SREBF2: variants seen among roughly 807,000 people sequenced by gnomAD.
SREBF2 encodes the protein sterol regulatory element-binding protein 2.
SREBF2 carries 55 observed loss-of-function variants against 113.1 expected under a neutral mutation model. The observed-to-expected ratio is 0.49, with a 90% CI of 0.39 to 0.61. The LOEUF is 0.61. SREBF2 is among the 20% of genes least tolerant of loss of function. The pLI is 0.00. For synonymous variants in SREBF2, 593 were observed against 605.7 expected, an observed-to-expected ratio of 0.98 and a Z score of 0.31; for missense variants, 1,349 against 1,487.4, an observed-to-expected ratio of 0.91 and a Z score of 1.53.
intron 11 of SREBF2, among the ~76,000 whole-genome samples, chr22:41,886,724 A>G (rs1055417179): frequency 3.9e-5 from 6 of 152,150 alleles, no homozygotes; most frequent in African/African-American, 1.4e-4. Context: ...AACTTATCAA[A>G]GTACATGCTT....
intron 15 of SREBF2, chr22:41,899,157 G>A (rs957490439): frequency 9.4e-7 from 1 of 1,066,160 alleles, no homozygotes; most frequent in Non-Finnish European, 1.2e-6. Context: ...AGTGCAGAGA[G>A]GCCACTGTTG....
At chr22:41,843,241 T>C (rs1025715561) in intron 1 of SREBF2, among the ~76,000 whole-genome samples, 2 of 152,272 alleles carry the variant, frequency 1.3e-5, no homozygotes. Context: ...TTATTAGTTA[T>C]TGACTGTTTC....
intron 1 of SREBF2, among the ~76,000 whole-genome samples, chr22:41,860,047 C>T (rs1440747431): frequency 1.3e-5 from 2 of 151,520 alleles, no homozygotes; most frequent in East Asian, 1.9e-4. Context: ...CCTCATGATC[C>T]GCCCGCCTCG....
intron 1 of SREBF2, among the ~76,000 whole-genome samples, chr22:41,864,452 C>G (rs2077057039): frequency 6.7e-6 from 1 of 149,820 alleles, no homozygotes; most frequent in African/African-American, 2.5e-5. Flanking sequence ...TCCCGAGTAG[C>G]TTGGACTACA....
intron 11 of SREBF2, among the ~76,000 whole-genome samples, chr22:41,892,504 CG>C (rs1239319323): frequency 6.6e-6 from 1 of 151,732 alleles, no homozygotes; most frequent in East Asian, 1.9e-4. Flanking sequence ...AAAAATTAGC[CG>C]GGCATGGTGG....
chr22:41,869,639 G>T (rs534149195), intron 3 of SREBF2, among the ~76,000 whole-genome samples: 1 of 149,804 alleles, frequency 6.7e-6, no homozygotes, highest in Admixed American at 6.7e-5. Flanking sequence ...ACCTGCCACT[G>T]CACCTGGCTA....
At chr22:41,890,936 A>G (rs986663268) in intron 11 of SREBF2, among the ~76,000 whole-genome samples, 1 of 151,986 alleles carries the variant, frequency 6.6e-6, no homozygotes, top group Non-Finnish European at 1.5e-5. Context: ...AAAAGAATTA[A>G]GCTTAAAATA....
At position 41,868,778 on chromosome 22, in the gene SREBF2, G is replaced by A; in HGVS notation, c.706G>A (p.Val236Met). 11 of 1,611,816 alleles carry A rather than the reference G, an allele frequency of 6.8e-6. No individual in the cohort carries two copies. Among genetic ancestry groups the A allele is most frequent in the Non-Finnish European group, 8.5e-6 (10 of 1,178,948 alleles). ...ATVQTVAAPQ[V>M]QQVPVLVQPQ... is the part of the protein sequence containing the mutation. ...GGTGCAGACAGTTGCTGCGCCACAG[G>A]TGCAGCAGGTCCCGGTAAGTGGCTG... The change falls in exon 3 of 19, where the codon GTG becomes ATG. Residue 236 changes from valine to methionine, a missense_variant. By Grantham distance (21) the Val-to-Met change is conservative. Around this residue, in one of 2 missense-constraint regions of SREBF2, gnomAD observed 699 missense variants for 843.3 expected, o/e 0.83. Coordinates refer to ENST00000361204, the MANE Select transcript of SREBF2 (RefSeq NM_004599.4).
At chr22:41,897,401 T>C (rs1008274901) in intron 14 of SREBF2, among the ~76,000 whole-genome samples, 1 of 152,214 alleles carries the variant, frequency 6.6e-6, no homozygotes, top group African/African-American at 2.4e-5. Context: ...AAGCCCTAGC[T>C]GTGTGACCCA....
chr22:41,855,064 T>G (rs577379460), intron 1 of SREBF2, among the ~76,000 whole-genome samples: 5 of 151,962 alleles, frequency 3.3e-5, no homozygotes, highest in African/African-American at 1.2e-4. Flanking sequence ...GCAAAGTTTT[T>G]TAAAAGTTAA....
chr22:41,833,242 CA>C lies in SREBF2; in HGVS notation c.-28del, dbSNP rs1372970812. 1.7e-5 allele frequency: 25 copies of C among 1,509,056 alleles called. No homozygotes were observed. Among genetic ancestry groups the C allele is most frequent in the Non-Finnish European group, 2.2e-5 (25 of 1,128,638 alleles). The allele number at this position is 1,509,056 out of a possible 1,614,324, so 93.5% of individuals were successfully genotyped here. A position where few individuals can be genotyped will look rare whatever the true frequency, so the allele number is the denominator to read the frequency against. On this transcript the variant is annotated 5_prime_UTR_variant, in exon 1 of 19. Coordinates refer to ENST00000361204, the MANE Select transcript of SREBF2 (RefSeq NM_004599.4). The surrounding 1 kb of genome is among the most constrained non-coding windows in gnomAD (Gnocchi z 4.1). The stretch of plus-strand genomic sequence containing the variant: ...CCCCGCGTCTCCCTGAGCGGGACGG[CA>C]GGGGGGGCTTCTGCGCTGAGCCGGG...
chr22:41,847,894 TTTTA>T (rs949801014), intron 1 of SREBF2, among the ~76,000 whole-genome samples: 2 of 149,996 alleles, frequency 1.3e-5, no homozygotes, highest in Non-Finnish European at 3.0e-5. Flanking sequence ...AGTCTGTTTC[TTTTA>T]TTTATTTTCA....
rs1261499642 is a variant in SREBF2, at chr22:41,905,772, C to A, written c.*112C>A. 8 of 1,274,124 alleles carry A rather than the reference C, an allele frequency of 6.3e-6. No individual in the cohort carries two copies. Among genetic ancestry groups the A allele is most frequent in the African/African-American group, 1.5e-5 (1 of 67,578 alleles). 78.9% of individuals were successfully genotyped at this position (1,274,124 alleles called of 1,614,324 possible). A position where few individuals can be genotyped will look rare whatever the true frequency, so the allele number is the denominator to read the frequency against. On this transcript the variant is annotated 3_prime_UTR_variant, in exon 19 of 19. Transcript: ENST00000361204. ...GCCTTGTCTTCTTAGCTGTCACCTG[C>A]CGAGGCTTCTGGGCCACTCAGGCCA...
chr22:41,890,251 G>A (rs5996078), intron 11 of SREBF2, among the ~76,000 whole-genome samples: 15,730 of 152,062 alleles, frequency 0.1, 1,406 homozygotes, highest in African/African-American at 0.24. Flanking sequence ...TTTCCACATT[G>A]ATTTTCACAC....
intron 11 of SREBF2, among the ~76,000 whole-genome samples, chr22:41,887,543 C>A (rs1268928060): frequency 2.0e-5 from 3 of 152,110 alleles, no homozygotes; most frequent in Non-Finnish European, 4.4e-5. Context: ...GTGTAAGAAT[C>A]ATTATGTTGT....
At chr22:41,903,911 CA>C (rs1029494846) in intron 17 of SREBF2, among the ~76,000 whole-genome samples, 4 of 152,210 alleles carry the variant, frequency 2.6e-5, no homozygotes, top group African/African-American at 9.6e-5. Context: ...ACAGACACAA[CA>C]GACAGTATCA....
chr22:41,872,563 CTGATTAGATAT>C (rs1418831960), intron 4 of SREBF2, among the ~76,000 whole-genome samples: 1 of 152,006 alleles, frequency 6.6e-6, no homozygotes, highest in Non-Finnish European at 1.5e-5. Flanking sequence ...TATTTATTGG[CTGATTAGATAT>C]TGAGGCCATT....
At chr22:41,858,995 C>CAT (rs1176081600) in intron 1 of SREBF2, among the ~76,000 whole-genome samples, 3 of 151,312 alleles carry the variant, frequency 2.0e-5, no homozygotes, top group Non-Finnish European at 4.4e-5. Flanking sequence ...TGGTGGCGGG[C>CAT]GCCTGTAATC....
chr22:41,902,825 G>A, intron 16 of SREBF2, 145 bp from the exon 17 acceptor site: 2 of 889,766 alleles, frequency 2.2e-6, no homozygotes, highest in Non-Finnish European at 1.8e-6. Flanking sequence ...CTCACGTCCT[G>A]CGGAGTTCAC....
Sources: allele counts gnomAD v4.1 joint callset (sites outside exome capture counted in the v4.1 genomes callset), GRCh38; gene constraint gnomAD v4.1.1; regional missense constraint gnomAD v4.1.1; non-coding constraint Gnocchi (gnomAD v3.1); transcripts MANE v1.5; gene names NCBI Gene and HGNC (gene_info 2026-07-23, HGNC 2026-07-21).